Variants in NCBP3 observed in about 807,000 individuals in gnomAD.
NCBP3 encodes nuclear cap binding subunit 3.
NCBP3 carries 20 observed loss-of-function variants against 75.7 expected under a neutral mutation model. The ratio of observed to expected loss-of-function variants is 0.26; its 90% CI spans 0.19 to 0.38. The LOEUF (loss-of-function observed/expected upper bound fraction) is 0.38. NCBP3 is among the 10% of genes least tolerant of loss of function. The pLI is 1.00. For synonymous variants in NCBP3, 293 were observed against 290.5 expected (o/e 1.01, Z -0.09); for missense variants, 678 against 796.9 (o/e 0.85, Z 1.80).
chr17:3,828,199 C>T (rs1360939888), intron 4 of NCBP3, among the ~76,000 whole-genome samples: 1 of 152,172 alleles, frequency 6.6e-6, no homozygotes, highest in African/African-American at 2.4e-5. Flanking sequence ...GATTACAGGC[C>T]TGAGCCACCG....
chr17:3,830,202 C>T (rs754815224), intron 3 of NCBP3, among the ~76,000 whole-genome samples: 6 of 152,154 alleles, frequency 3.9e-5, no homozygotes, highest in Non-Finnish European at 8.8e-5. Context: ...TCCTCAGTAT[C>T]GCCCCTCAAC....
chr17:3,829,397 T>G, intron 3 of NCBP3, 29 bp from the exon 4 acceptor site: 1 of 1,549,258 alleles, frequency 6.5e-7, no homozygotes, highest in Non-Finnish European at 8.7e-7. Context: ...GAAAAGATGA[T>G]AGAATTTTCC....
At chr17:3,828,530 AC>A (rs1467973121) in intron 4 of NCBP3, among the ~76,000 whole-genome samples, 1 of 152,124 alleles carries the variant, frequency 6.6e-6, no homozygotes, top group African/African-American at 2.4e-5. Flanking sequence ...CTAGGGTGCT[AC>A]CCAGCAGGTC....
chr17:3,844,603 C>T (rs2054126234), intron 1 of NCBP3, among the ~76,000 whole-genome samples: 1 of 152,192 alleles, frequency 6.6e-6, no homozygotes, highest in Non-Finnish European at 1.5e-5. Flanking sequence ...GTAATCCCAG[C>T]ACTTTGGGAG....
In NCBP3 at chr17:3,843,153, T is replaced by TA; in HGVS notation, c.184-3dup. ...GTTTTCATATCTTCTGCTCGTGTCC[T>TA]AACACAAAGGGGAAGGGTGAGAAAT... On this transcript the variant is annotated splice_polypyrimidine_tract_variant and splice_region_variant and intron_variant, in intron 1 of 12. Coordinates refer to ENST00000389005, the MANE Select transcript of NCBP3 (RefSeq NM_001114118.3). The TA allele has an allele frequency of 6.4e-7, 1 of 1,551,144 alleles. No homozygotes were observed. Among genetic ancestry groups the TA allele is most frequent in the Non-Finnish European group, 8.7e-7 (1 of 1,146,722 alleles).
At chr17:3,825,260 C>T (rs1301329719) in intron 6 of NCBP3, among the ~76,000 whole-genome samples, 1 of 152,176 alleles carries the variant, frequency 6.6e-6, no homozygotes. Flanking sequence ...CTACTCTTTT[C>T]ACAACACTCA....
rs1355076831 is a variant in NCBP3, at chr17:3,827,341, GC to G, written c.482-1127del. Among the ~76,000 whole-genome samples the G allele has an allele frequency of 1.1e-4, 17 of 152,202 alleles. No individual in the cohort carries two copies. The East Asian group carries it at 3.3e-3, about 29-fold the overall frequency. On this transcript the variant is annotated intron_variant, in intron 4 of 12. Coordinates refer to ENST00000389005, the MANE Select transcript of NCBP3 (RefSeq NM_001114118.3). Reference sequence around the variant, plus strand: ...AGTTTGGATTGTCCTTTACACTACCGCCCCCTACAGGGAAGCCCTTTGCTGC... The same window carrying G: ...AGTTTGGATTGTCCTTTACACTACCGCCCCTACAGGGAAGCCCTTTGCTGC...
intron 1 of NCBP3, among the ~76,000 whole-genome samples, chr17:3,844,132 C>G (rs2054115223): frequency 6.6e-6 from 1 of 152,232 alleles, no homozygotes; most frequent in South Asian, 2.1e-4. Flanking sequence ...GCACAACCCT[C>G]CACCTCAACG....
chr17:3,841,612 T>C (rs1191902928), intron 2 of NCBP3, among the ~76,000 whole-genome samples: 1 of 150,688 alleles, frequency 6.6e-6, no homozygotes, highest in Non-Finnish European at 1.5e-5. Context: ...CTTTTTTTTT[T>C]TTTTTTTTTG....
chr17:3,822,267 CTG>C, intron 7 of NCBP3: 2 of 442,006 alleles, frequency 4.5e-6, no homozygotes, highest in Non-Finnish European at 8.0e-6. Context: ...GAGGTTAAAA[CTG>C]CTGTTTGGAG....
chr17:3,837,473 G>C (rs2053993702), intron 3 of NCBP3, among the ~76,000 whole-genome samples: 2 of 150,112 alleles, frequency 1.3e-5, no homozygotes, highest in South Asian at 4.2e-4. Flanking sequence ...CTCCAGCCTG[G>C]GCTACAGAAA....
At chr17:3,844,209 G>C (rs2054117114) in intron 1 of NCBP3, among the ~76,000 whole-genome samples, 1 of 152,152 alleles carries the variant, frequency 6.6e-6, no homozygotes, top group Non-Finnish European at 1.5e-5. Flanking sequence ...AAGGGGATGG[G>C]ATTTGGAAAC....
chr17:3,816,395 C>G, intron 10 of NCBP3, 125 bp from the exon 11 acceptor site: 1 of 791,818 alleles, frequency 1.3e-6, no homozygotes, highest in Non-Finnish European at 2.0e-6. Context: ...CCAACATTCA[C>G]TTACAAATCC....
chr17:3,826,680 AAG>A (rs1417732384), intron 4 of NCBP3, among the ~76,000 whole-genome samples: 1 of 137,862 alleles, frequency 7.3e-6, no homozygotes, highest in Non-Finnish European at 1.5e-5. Flanking sequence ...AAGAAAGAGA[AAG>A]AGAGACAGAA....
chr17:3,813,469 A>G (rs900010624), intron 12 of NCBP3, among the ~76,000 whole-genome samples, 190 bp from the exon 13 acceptor site: 2 of 152,174 alleles, frequency 1.3e-5, no homozygotes, highest in Admixed American at 6.5e-5. Flanking sequence ...CGCAAACGGA[A>G]GGGTCTGGAC....
chr17:3,821,280 A>AACATG lies in NCBP3; in HGVS notation c.968_969insCATGT (p.Gly324MetfsTer4), dbSNP rs1377824100. 6.2e-7 allele frequency: 1 copy of AACATG among 1,614,060 alleles called. No individual in the cohort carries two copies. The highest frequency in any genetic ancestry group is 1.1e-5 in the South Asian group (1 of 91,080). On this transcript the variant is annotated frameshift_variant, in exon 9 of 13. Transcript: ENST00000389005. LOFTEE classifies it high-confidence loss of function. ...GTCGATGTTTATACGACGTCAAGCCAACGTCATCCCCAATCAGGGCTCTCT... is the reference window on the plus strand; with the variant it reads ...GTCGATGTTTATACGACGTCAAGCCAACATGACGTCATCCCCAATCAGGGCTCTCT...
At chr17:3,827,282 G>A (rs1386831784) in intron 4 of NCBP3, among the ~76,000 whole-genome samples, 1 of 152,210 alleles carries the variant, frequency 6.6e-6, no homozygotes, top group East Asian at 1.9e-4. Flanking sequence ...CACTCAATAT[G>A]TAAGTATTAG....
chr17:3,807,178 G>A lies in NCBP3; in HGVS notation c.*5866C>T, dbSNP rs1567574366. On this transcript the variant is annotated 3_prime_UTR_variant, in exon 13 of 13. Transcript: ENST00000389005. ...CTGGACTGCTCTCACTTTCCTCACC[G>A]ACAGGACCACAGGCTTAAGAACTGG... 6.6e-6 allele frequency: 1 copy of A among 152,242 alleles called. No homozygotes were observed. The highest frequency in any genetic ancestry group is 1.5e-5 in the Non-Finnish European group (1 of 68,054). 9.4% of individuals were successfully genotyped at this position (152,242 alleles called of 1,614,324 possible).
chr17:3,833,239 T>G (rs1286129050), intron 3 of NCBP3, among the ~76,000 whole-genome samples: 1 of 151,998 alleles, frequency 6.6e-6, no homozygotes, highest in African/African-American at 2.4e-5. Context: ...GGCAACAGAG[T>G]AAGACTTTGT....
Sources: gnomAD v4.1 joint callset for allele counts (sites outside exome capture counted in the v4.1 genomes callset) on GRCh38, gnomAD v4.1.1 for gene constraint, MANE v1.5 for transcripts, NCBI Gene and HGNC (gene_info 2026-07-23, HGNC 2026-07-21) for gene names.